The following VIT variants were observed in gnomAD, a reference collection of about 807,000 sequenced individuals.
VIT encodes the protein vitrin.
VIT carries 99 observed loss-of-function variants against 78.0 expected under a neutral mutation model. The observed-to-expected ratio is 1.27, with a 90% confidence interval of 1.08 to 1.50. The LOEUF (loss-of-function observed/expected upper bound fraction) is 1.50, where lower values mean the gene tolerates loss of function less well. Ranked by LOEUF, VIT falls within the 40% of genes most tolerant of loss-of-function variation. The pLI, the probability that VIT is intolerant of heterozygous loss-of-function variation, is 0.00. For missense variants in VIT, 1,126 were observed against 875.3 expected, an observed-to-expected ratio of 1.29 and a Z score of -3.61; for synonymous variants, 374 against 334.3, an observed-to-expected ratio of 1.12 and a Z score of -1.29.
chr2:36,777,898 G>A (rs966678330), intron 9 of VIT, among the ~76,000 whole-genome samples: 2 of 152,170 alleles, frequency 1.3e-5, no homozygotes, highest in East Asian at 1.9e-4. Context: ...ACCGAATCCT[G>A]CGATCCGCAC....
At chr2:36,811,941 G>T (rs935079700) in intron 15 of VIT, among the ~76,000 whole-genome samples, 25 of 152,158 alleles carry the variant, frequency 1.6e-4, no homozygotes, top group African/African-American at 5.6e-4. Context: ...CTCCCGAAGT[G>T]CTGGGATTAC....
intron 12 of VIT, among the ~76,000 whole-genome samples, chr2:36,789,151 C>A (rs750920040): frequency 3.9e-5 from 6 of 152,158 alleles, no homozygotes; most frequent in Non-Finnish European, 1.5e-5. Context: ...CATCTTCGCC[C>A]TCCCCCAGCA....
intron 3 of VIT, among the ~76,000 whole-genome samples, chr2:36,740,961 G>T (rs59476177): frequency 6.6e-6 from 1 of 152,162 alleles, no homozygotes; most frequent in African/African-American, 2.4e-5. Context: ...TATTTAGTTG[G>T]TCTGACAGGA....
chr2:36,777,423 C>A (rs1237571780), intron 9 of VIT, among the ~76,000 whole-genome samples: 1 of 151,970 alleles, frequency 6.6e-6, no homozygotes, highest in East Asian at 1.9e-4. Context: ...TGGCAGTACA[C>A]CCTCTAACTA....
chr2:36,781,705 T>C, intron 9 of VIT, 22 bp from the exon 10 acceptor site: 1 of 1,613,788 alleles, frequency 6.2e-7, no homozygotes, highest in Middle Eastern at 1.7e-4. Flanking sequence ...CAAGTTTGTT[T>C]CTTTTCAATT....
chr2:36,706,317 C>T lies in VIT; in HGVS notation c.-19+9344C>T, dbSNP rs529307295. ...ATCATTTCAGGGGAACAGGACATAA[C>T]TAGAACAATAAATATGAGAAGGGTT... On this transcript the variant is annotated intron_variant, in intron 1 of 15. Coordinates refer to ENST00000379242, the MANE Select transcript of VIT (RefSeq NM_053276.4). Among the ~76,000 whole-genome samples, 17 of 152,222 alleles carry T rather than the reference C, an allele frequency of 1.1e-4. No individual in the cohort carries two copies. In the South Asian group the frequency reaches 3.1e-3, roughly 28 times the overall value.
intron 8 of VIT, chr2:36,774,507 A>G: frequency 4.1e-6 from 4 of 985,406 alleles, no homozygotes; most frequent in Non-Finnish European, 4.8e-6. Flanking sequence ...CTGAAGCCAC[A>G]GGACACTAGG....
intron 11 of VIT, among the ~76,000 whole-genome samples, chr2:36,785,838 C>G (rs1665058129): frequency 1.3e-5 from 2 of 152,236 alleles, no homozygotes; most frequent in Admixed American, 6.5e-5. Flanking sequence ...AACTTTTCTC[C>G]TAATCACAGT....
chr2:36,761,413 T>C (rs1421613459), intron 6 of VIT, among the ~76,000 whole-genome samples: 1 of 151,960 alleles, frequency 6.6e-6, no homozygotes, highest in Non-Finnish European at 1.5e-5. Flanking sequence ...GCCTCACCCG[T>C]GGGAAGTTCA....
chr2:36,699,034 A>G (rs1172110779), intron 1 of VIT, among the ~76,000 whole-genome samples: 2 of 152,088 alleles, frequency 1.3e-5, no homozygotes, highest in African/African-American at 2.4e-5. Context: ...AAGCATTTAT[A>G]TAATAAAAAC....
At chr2:36,733,336 C>A (rs1247893871) in intron 3 of VIT, among the ~76,000 whole-genome samples, 1 of 151,596 alleles carries the variant, frequency 6.6e-6, no homozygotes, top group Non-Finnish European at 1.5e-5. Flanking sequence ...CTTGCTGTCT[C>A]TCTCTCTCCC....
At chr2:36,803,828 C>T (rs1167246289) in intron 13 of VIT, among the ~76,000 whole-genome samples, 2 of 152,094 alleles carry the variant, frequency 1.3e-5, no homozygotes, top group Non-Finnish European at 2.9e-5. Context: ...ATTGAGGACT[C>T]CTTTGAGAAT....
At chr2:36,765,149 C>T (rs894407280) in intron 6 of VIT, among the ~76,000 whole-genome samples, 7 of 152,150 alleles carry the variant, frequency 4.6e-5, no homozygotes, top group South Asian at 4.1e-4. Context: ...CGTGACGGGG[C>T]GGTTATTCTG....
chr2:36,809,882 T>C (rs1302206633), intron 15 of VIT, among the ~76,000 whole-genome samples: 1 of 151,300 alleles, frequency 6.6e-6, no homozygotes, highest in Admixed American at 6.6e-5. Context: ...TCCCAGCTAC[T>C]CGGCAGGCTG....
At chr2:36,739,528 A>G (rs1667704721) in intron 3 of VIT, among the ~76,000 whole-genome samples, 1 of 152,204 alleles carries the variant, frequency 6.6e-6, no homozygotes, top group South Asian at 2.1e-4. Context: ...AACCCTTGTG[A>G]GATCACTACA....
intron 12 of VIT, among the ~76,000 whole-genome samples, chr2:36,799,719 A>G (rs575064887): frequency 3.1e-4 from 2 of 6,354 alleles, no homozygotes; most frequent in South Asian, 5.0e-3. Flanking sequence ...CCTGTCTCTG[A>G]AAAAAAAAAA....
rs1367133890 is a variant in VIT, at chr2:36,761,564, C to T, written c.487+2518C>T. ...GACCATCCTGGCTAACATGGTGAAA[C>T]TCCGTCTCTACTAAAAATACGAAAA... On this transcript the variant is annotated intron_variant, in intron 6 of 15. Transcript: ENST00000379242. 2.6e-5 allele frequency among the ~76,000 whole-genome samples: 4 copies of T among 152,060 alleles called. No individual in the cohort carries two copies. The South Asian group carries it at 6.2e-4, about 24-fold the overall frequency.
intron 12 of VIT, among the ~76,000 whole-genome samples, chr2:36,791,019 A>G (rs1291574913): frequency 6.6e-6 from 1 of 152,106 alleles, no homozygotes; most frequent in Non-Finnish European, 1.5e-5. Context: ...CCTTCACTAC[A>G]CTTTCATTTC....
At chr2:36,761,952 GT>G (rs1159301934) in intron 6 of VIT, among the ~76,000 whole-genome samples, 4 of 152,100 alleles carry the variant, frequency 2.6e-5, no homozygotes, top group African/African-American at 9.7e-5. Flanking sequence ...GAGAGGTTTA[GT>G]AACTCACCCA....
Sources: allele counts gnomAD v4.1 joint callset (sites outside exome capture counted in the v4.1 genomes callset), GRCh38; gene constraint gnomAD v4.1.1; transcripts MANE v1.5; gene names NCBI Gene and HGNC (gene_info 2026-07-23, HGNC 2026-07-21).